The following OTX2 variants were observed in gnomAD, a reference collection of about 807,000 sequenced individuals.
The protein encoded by OTX2 is orthodenticle homeobox 2.
In OTX2, 4 loss-of-function variants were observed where a neutral mutation model predicts 29.0. That is an observed-to-expected ratio of 0.14 (90% CI 0.07 to 0.32). OTX2 has a LOEUF of 0.32. Among genes scored for constraint, OTX2 ranks in the 10% least tolerant of loss-of-function variants. OTX2 has a pLI of 1.00. For missense variants in OTX2, 298 were observed against 365.9 expected (o/e 0.81, Z 1.51); for synonymous variants, 134 against 141.0 (o/e 0.95, Z 0.35).
At chr14:56,805,711 T>G in intron 2 of OTX2, 136 bp from the exon 3 acceptor site, 1 of 430,596 alleles carries the variant, frequency 2.3e-6, no homozygotes. Context: ...TTGCAGACAC[T>G]CCCCCCACCC....
At chr14:56,807,219 T>C (rs532716650) in intron 2 of OTX2, among the ~76,000 whole-genome samples, 32 of 152,294 alleles carry the variant, frequency 2.1e-4, no homozygotes, top group African/African-American at 7.2e-4. Context: ...TTTTGTATTG[T>C]CTTTTCTTTT....
rs757576986 is a variant in OTX2, at chr14:56,804,148, G to T, written c.273+40C>A. ...CACAGTCCCATACTCGGGAAGGGTG[G>T]CATGATCAGGAAGGATGGTTCTGCC... On this transcript the variant is annotated intron_variant, in intron 4 of 4. Transcript: ENST00000672264. This position sits in a 1 kb window ranked among gnomAD's most constrained non-coding sequence, Gnocchi z 4.1. 2 of 1,610,300 alleles carry T rather than the reference G, an allele frequency of 1.2e-6. No individual in the cohort carries two copies. The highest frequency in any genetic ancestry group is 2.2e-5 in the South Asian group (2 of 90,998).
chr14:56,810,126 A>AT (rs1377834405), intron 2 of OTX2, 33 bp downstream of exon 2: 2 of 152,242 alleles, frequency 1.3e-5, no homozygotes, highest in Non-Finnish European at 2.9e-5. Context: ...GGACACGTAG[A>AT]TATGGATATA....
At chr14:56,803,900 A>G (rs1891980563) in intron 4 of OTX2, among the ~76,000 whole-genome samples, 1 of 152,164 alleles carries the variant, frequency 6.6e-6, no homozygotes, top group South Asian at 2.1e-4. Context: ...GGATTTCTAT[A>G]CAGAGGAAGG....
Position 56,801,684 on chromosome 14 carries a change from T to C in OTX2, c.*51A>G, listed in dbSNP as rs1428446118. The C allele has an allele frequency of 1.1e-5, 18 of 1,591,238 alleles. No individual in the cohort carries two copies. The highest frequency in any genetic ancestry group is 1.6e-5 in the Non-Finnish European group (18 of 1,161,192). ...CCAATGCCTGGCTAAAACTGGAATG[T>C]CCAGCCCAGTATATTTAAAAATCAC... On this transcript the variant is annotated 3_prime_UTR_variant, in exon 5 of 5. Coordinates refer to ENST00000672264, the MANE Select transcript of OTX2 (RefSeq NM_021728.4). The surrounding 1 kb of genome is among the most constrained non-coding windows in gnomAD (Gnocchi z 4.2).
In OTX2 at chr14:56,802,171, C is replaced by T. The variant is rs1040844433; in HGVS notation, c.458G>A (p.Ser153Asn). 4 of 1,614,122 alleles carry T rather than the reference C, an allele frequency of 2.5e-6. No individual in the cohort carries two copies. The highest frequency in any genetic ancestry group is 1.7e-5 in the Admixed American group (1 of 60,020). Reference protein sequence around the residue: ...SSTSVPTIASSSAPVSIWSPA... With the variant: ...SSTSVPTIASNSAPVSIWSPA... ...GCTCCAGATAGACACAGGAGCACTG[C>T]TGCTGGCAATGGTCGGGACTGAGGT... Residue 153 changes from serine to asparagine, a missense_variant, in exon 5 of 5, where the codon AGC becomes AAC. Physicochemically the swap from Ser to Asn is conservative, Grantham distance 46. Transcript: ENST00000672264. The surrounding 1 kb of genome is among the most constrained non-coding windows in gnomAD (Gnocchi z 4.4).
At position 56,804,912 on chromosome 14, in the gene OTX2, T is replaced by C. The variant is rs190591963; in HGVS notation, c.97+448A>G. 4.6e-5 allele frequency among the ~76,000 whole-genome samples: 7 copies of C among 152,168 alleles called. No homozygotes were observed. In the East Asian group the frequency reaches 1.2e-3, roughly 25 times the overall value. ...GGATTAAAGCAGGCTCTGGAGGTCA[T>C]AGGGGAAGGCCTGGGCATGGAGGGA... On this transcript the variant is annotated intron_variant, in intron 3 of 4. Coordinates refer to ENST00000672264, the MANE Select transcript of OTX2 (RefSeq NM_021728.4). The surrounding 1 kb of genome is among the most constrained non-coding windows in gnomAD (Gnocchi z 4.1).
At chr14:56,805,805 C>A in intron 2 of OTX2, 1 of 185,602 alleles carries the variant, frequency 5.4e-6, no homozygotes, top group Non-Finnish European at 1.1e-5. Flanking sequence ...CACCCCCACC[C>A]TAAACTTAAA....
chr14:56,802,323 G>C lies in OTX2; in HGVS notation c.306C>G (p.Arg102=). The C allele has an allele frequency of 6.2e-7, 1 of 1,614,122 alleles. No individual in the cohort carries two copies. Among genetic ancestry groups the C allele is most frequent in the Non-Finnish European group, 8.5e-7 (1 of 1,180,028 alleles). Residue 102 remains arginine, a synonymous_variant, in exon 5 of 5, where the codon CGC becomes CGG. Transcript: ENST00000672264. This position sits in a 1 kb window ranked among gnomAD's most constrained non-coding sequence, Gnocchi z 4.4. ...CATTCTGCTGTTGTTGCTGTTGTTG[G>C]CGGCACTTAGCTCTTCGATTCTTAA... The part of the protein sequence containing the change: ...VWFKNRRAKC[R]QQQQQQQNGG...
rs757576986 is a variant in OTX2 at position 56,804,148 on chromosome 14, G to A, written c.273+40C>T. ...CACAGTCCCATACTCGGGAAGGGTG[G>A]CATGATCAGGAAGGATGGTTCTGCC... is the stretch of plus-strand genomic sequence containing the variant. On this transcript the variant is annotated intron_variant, in intron 4 of 4. Coordinates refer to ENST00000672264, the MANE Select transcript of OTX2 (RefSeq NM_021728.4). The surrounding 1 kb of genome is among the most constrained non-coding windows in gnomAD (Gnocchi z 4.1). The A allele has an allele frequency of 6.2e-7, 1 of 1,610,300 alleles. No individual in the cohort carries two copies. Among genetic ancestry groups the A allele is most frequent in the South Asian group, 1.1e-5 (1 of 90,998 alleles).
At position 56,801,445 on chromosome 14, in the gene OTX2, G is replaced by T; in HGVS notation, c.*290C>A. 6.5e-6 allele frequency: 3 copies of T among 463,116 alleles called. No homozygotes were observed. The highest frequency in any genetic ancestry group is 1.2e-5 in the Non-Finnish European group (3 of 253,428). The allele number at this position is 463,116 out of a possible 1,614,324, so 28.7% of individuals were successfully genotyped here. On this transcript the variant is annotated 3_prime_UTR_variant, in exon 5 of 5. Coordinates refer to ENST00000672264, the MANE Select transcript of OTX2 (RefSeq NM_021728.4). This position sits in a 1 kb window ranked among gnomAD's most constrained non-coding sequence, Gnocchi z 4.2. Reference sequence around the variant, plus strand: ...TTAGTTTTGTTTGATTTTATTTTTGGTGGTGTTTGGTTGCACATGGCTAGA... The same window carrying T: ...TTAGTTTTGTTTGATTTTATTTTTGTTGGTGTTTGGTTGCACATGGCTAGA...
intron 4 of OTX2, among the ~76,000 whole-genome samples, chr14:56,803,337 G>A (rs1017906447): frequency 2.6e-5 from 4 of 152,230 alleles, no homozygotes; most frequent in Admixed American, 6.5e-5. Context: ...ACCATTTGGA[G>A]CCATTTGTTT....
Position 56,804,330 on chromosome 14 carries a change from C to CG in OTX2, c.130dup (p.Arg44ProfsTer52), listed in dbSNP as rs758119168. On this transcript the variant is annotated frameshift_variant, in exon 4 of 5. Coordinates refer to ENST00000672264, the MANE Select transcript of OTX2 (RefSeq NM_021728.4). LOFTEE classifies it high-confidence loss of function. The surrounding 1 kb of genome is among the most constrained non-coding windows in gnomAD (Gnocchi z 4.1). ...CGTCGTCCTCTCCCGGCGCTGTTTC[C>CG]GGGGGGTGGCTGCGGGACAAGAAGC... is the stretch of plus-strand genomic sequence containing the variant. 3 of 1,613,906 alleles carry CG rather than the reference C, an allele frequency of 1.9e-6. No individual in the cohort carries two copies.
chr14:56,804,473 G>A lies in OTX2; in HGVS notation c.98-110C>T. The A allele has an allele frequency of 9.2e-7, 1 of 1,091,988 alleles. No homozygotes were observed. The highest frequency in any genetic ancestry group is 1.3e-6 in the Non-Finnish European group (1 of 774,942). The allele number at this position is 1,091,988 out of a possible 1,614,324, so 67.6% of individuals were successfully genotyped here. A position where few individuals can be genotyped will look rare whatever the true frequency, so the allele number is the denominator to read the frequency against. Reference sequence around the variant, plus strand: ...CCGTTCCTCACAGCCCTTCAGCCGGGAGCCTACCAATGCTCTCCCCACCGT... The same window carrying A: ...CCGTTCCTCACAGCCCTTCAGCCGGAAGCCTACCAATGCTCTCCCCACCGT... On this transcript the variant is annotated intron_variant, in intron 3 of 4. Transcript: ENST00000672264. This position sits in a 1 kb window ranked among gnomAD's most constrained non-coding sequence, Gnocchi z 4.1.
rs1363722472 is a variant in OTX2 at position 56,805,000 on chromosome 14, A to T, written c.97+360T>A. On this transcript the variant is annotated intron_variant, in intron 3 of 4. Transcript: ENST00000672264. The surrounding 1 kb of genome is among the most constrained non-coding windows in gnomAD (Gnocchi z 4.1). ...GGGAAAACTCAGCTTCTCCAAGAGGACACTTCTGAGGAATTGGTCATTGAG... is the reference window on the plus strand; with the variant it reads ...GGGAAAACTCAGCTTCTCCAAGAGGTCACTTCTGAGGAATTGGTCATTGAG... Among the ~76,000 whole-genome samples the T allele has an allele frequency of 6.6e-6, 1 of 152,158 alleles. No individual in the cohort carries two copies. Among genetic ancestry groups the T allele is most frequent in the Non-Finnish European group, 1.5e-5 (1 of 68,026 alleles).
At chr14:56,805,179 G>T (rs1015323589) in intron 3 of OTX2, among the ~76,000 whole-genome samples, 181 bp downstream of exon 3, 1 of 152,212 alleles carries the variant, frequency 6.6e-6, no homozygotes, top group African/African-American at 2.4e-5. Context: ...CCTGTTCTCT[G>T]CTTGGTCAGT....
intron 4 of OTX2, among the ~76,000 whole-genome samples, chr14:56,803,851 A>G (rs1270673039): frequency 1.3e-5 from 2 of 152,160 alleles, no homozygotes; most frequent in African/African-American, 4.8e-5. Context: ...TCCAAGAGCT[A>G]AGCTGCTTTC....
Position 56,805,397 on chromosome 14 carries a change from C to G in OTX2, c.60G>C (p.Ser20=). 1 of 1,613,950 alleles carries G rather than the reference C, an allele frequency of 6.2e-7. No individual in the cohort carries two copies. Among genetic ancestry groups the G allele is most frequent in the Non-Finnish European group, 8.5e-7 (1 of 1,179,856 alleles). ...YAVNGLSLTT[S]GMDLLHPSVG... is the part of the protein sequence containing the mutation. The stretch of plus-strand genomic sequence containing the variant: ...CGGAGGGGTGCAGCAAGTCCATACC[C>G]GAAGTGGTCAGACTCAGCCCATTGA... Residue 20 remains serine (S), a synonymous_variant, in exon 3 of 5, where the codon TCG becomes TCC. Transcript: ENST00000672264.
chr14:56,807,988 C>G (rs1892148377), intron 2 of OTX2, among the ~76,000 whole-genome samples: 2 of 147,860 alleles, frequency 1.4e-5, no homozygotes, highest in African/African-American at 5.3e-5. Flanking sequence ...CGCAGCCCCG[C>G]AGCCCCGCAG....
Sources: gnomAD v4.1 joint callset for allele counts (sites outside exome capture counted in the v4.1 genomes callset) on GRCh38, gnomAD v4.1.1 for gene constraint, Gnocchi (gnomAD v3.1) non-coding constraint, MANE v1.5 for transcripts, NCBI Gene and HGNC (gene_info 2026-07-23, HGNC 2026-07-21) for gene names.